Variants in ARSB observed in about 807,000 individuals in gnomAD.
ARSB encodes the protein N-acetylgalactosamine-4-sulfatase.
ARSB carries 41 observed loss-of-function variants against 50.9 expected under a neutral mutation model. The ratio of observed to expected loss-of-function variants is 0.81; its 90% confidence interval spans 0.63 to 1.04. ARSB has a LOEUF of 1.04. Ranked by LOEUF, ARSB falls within the 50% of genes least tolerant of loss-of-function variation. The pLI is 0.00. For missense variants in ARSB, 672 were observed against 693.3 expected (o/e 0.97, Z 0.35); for synonymous variants, 269 against 284.8 (o/e 0.94, Z 0.56).
intron 4 of ARSB, among the ~76,000 whole-genome samples, chr5:78,913,092 C>A (rs2112322876): frequency 6.6e-6 from 1 of 151,378 alleles, no homozygotes; most frequent in South Asian, 2.1e-4. Context: ...GTGATGAGAA[C>A]CAGGCTTTTA....
At chr5:78,966,748 C>T (rs1752221445) in intron 2 of ARSB, among the ~76,000 whole-genome samples, 1 of 152,152 alleles carries the variant, frequency 6.6e-6, no homozygotes, top group Non-Finnish European at 1.5e-5. Context: ...ATATCTACAG[C>T]CCATCCTCTT....
At chr5:78,893,422 T>A (rs1379323987) in intron 4 of ARSB, among the ~76,000 whole-genome samples, 1 of 151,672 alleles carries the variant, frequency 6.6e-6, no homozygotes, top group African/African-American at 2.4e-5. Context: ...AGAAAAATGT[T>A]ATAAAAGTTT....
intron 1 of ARSB, among the ~76,000 whole-genome samples, chr5:78,971,593 C>T (rs1338218589): frequency 1.3e-5 from 2 of 152,178 alleles, no homozygotes; most frequent in African/African-American, 2.4e-5. Flanking sequence ...CCCATCCTGG[C>T]TTTATCACTT....
At chr5:78,814,014 T>G (rs534578343) in intron 6 of ARSB, among the ~76,000 whole-genome samples, 1 of 138,382 alleles carries the variant, frequency 7.2e-6, no homozygotes, top group East Asian at 2.1e-4. Flanking sequence ...ATAATCCATT[T>G]GGAAAGAATG....
At chr5:78,890,927 T>C (rs557733703) in intron 4 of ARSB, among the ~76,000 whole-genome samples, 1 of 152,356 alleles carries the variant, frequency 6.6e-6, no homozygotes, top group East Asian at 1.9e-4. Context: ...TAGATGGTCT[T>C]CATCTCTGCT....
chr5:78,976,855 G>C (rs368075216), intron 1 of ARSB, among the ~76,000 whole-genome samples: 4 of 152,254 alleles, frequency 2.6e-5, no homozygotes, highest in African/African-American at 9.6e-5. Context: ...AACCCAGGGA[G>C]ACCCAGCCTC....
intron 3 of ARSB, among the ~76,000 whole-genome samples, chr5:78,959,454 C>G (rs1021719929): frequency 1.3e-5 from 2 of 152,094 alleles, no homozygotes; most frequent in African/African-American, 4.8e-5. Flanking sequence ...CAAACTTCTA[C>G]ACTTTGAAAC....
chr5:78,905,344 G>GTTTT lies in ARSB; in HGVS notation c.899-19521_899-19518dup, dbSNP rs60622885. Among the ~76,000 whole-genome samples, 4 of 130,544 alleles carry GTTTT rather than the reference G, an allele frequency of 3.1e-5. 1 individual carries two copies. The highest frequency in any genetic ancestry group is 6.4e-5 in the Non-Finnish European group (4 of 62,458). The allele number at this position is 130,544 out of a possible 152,430, so 85.6% of individuals were successfully genotyped here. Reference sequence around the variant, plus strand: ...CCTTGAGTACTGCTCGTATTTTCCTGTTTTTTTTTTTTTGTATAATGAGTA... The same window carrying GTTTT: ...CCTTGAGTACTGCTCGTATTTTCCTGTTTTTTTTTTTTTTTTTGTATAATGAGTA... On this transcript the variant is annotated intron_variant, in intron 4 of 7. Transcript: ENST00000264914.
chr5:78,898,096 C>T (rs147347268), intron 4 of ARSB, among the ~76,000 whole-genome samples: 2,283 of 152,050 alleles, frequency 0.015, 67 homozygotes, highest in South Asian at 0.097. Context: ...GGAGAAACCC[C>T]GGCTCTACTA....
At chr5:78,863,955 A>T (rs1375006388) in intron 5 of ARSB, among the ~76,000 whole-genome samples, 3 of 151,990 alleles carry the variant, frequency 2.0e-5, no homozygotes, top group Admixed American at 1.3e-4. Context: ...GGCCATCTAA[A>T]TTTAAAATCC....
chr5:78,849,318 G>A (rs1313233342), intron 5 of ARSB, among the ~76,000 whole-genome samples: 9 of 151,660 alleles, frequency 5.9e-5, no homozygotes, highest in East Asian at 1.9e-4. Flanking sequence ...TTTATTAAAT[G>A]GGGAATCCTT....
At chr5:78,852,025 C>G (rs1297107422) in intron 5 of ARSB, among the ~76,000 whole-genome samples, 1 of 152,162 alleles carries the variant, frequency 6.6e-6, no homozygotes, top group Non-Finnish European at 1.5e-5. Context: ...ATTTGCCAGT[C>G]TGTGTCTTTT....
chr5:78,898,912 T>C (rs1748686119), intron 4 of ARSB, among the ~76,000 whole-genome samples: 1 of 152,254 alleles, frequency 6.6e-6, no homozygotes, highest in Admixed American at 6.5e-5. Context: ...TTTTATACTT[T>C]GAAAAGTTTT....
chr5:78,824,236 C>G (rs902066951), intron 6 of ARSB, among the ~76,000 whole-genome samples: 2 of 152,202 alleles, frequency 1.3e-5, no homozygotes, highest in Non-Finnish European at 2.9e-5. Context: ...CTCAGACATT[C>G]CTTTACAGCA....
At chr5:78,957,290 G>C (rs1339560366) in intron 3 of ARSB, among the ~76,000 whole-genome samples, 1 of 152,186 alleles carries the variant, frequency 6.6e-6, no homozygotes, top group African/African-American at 2.4e-5. Context: ...TGGTGGGGGG[G>C]TGGTGCTCAT....
intron 5 of ARSB, among the ~76,000 whole-genome samples, chr5:78,859,988 T>C (rs936028691): frequency 1.3e-5 from 2 of 152,190 alleles, no homozygotes; most frequent in Admixed American, 1.3e-4. Context: ...GGGAATCAAA[T>C]AATATAGCAT....
chr5:78,953,700 T>C (rs571323527), intron 4 of ARSB, among the ~76,000 whole-genome samples: 60 of 152,232 alleles, frequency 3.9e-4, no homozygotes, highest in African/African-American at 1.2e-3. Context: ...TCCAATCAAA[T>C]TGTTAGATTT....
At chr5:78,822,634 T>C (rs1744277169) in intron 6 of ARSB, among the ~76,000 whole-genome samples, 1 of 152,190 alleles carries the variant, frequency 6.6e-6, no homozygotes, top group African/African-American at 2.4e-5. Context: ...ATCCTGTTTT[T>C]TTCTTCGTTT....
chr5:78,952,634 G>C (rs1392815907), intron 4 of ARSB, among the ~76,000 whole-genome samples: 1 of 152,174 alleles, frequency 6.6e-6, no homozygotes, highest in Non-Finnish European at 1.5e-5. Context: ...ACCAGACCCA[G>C]CCTCCCATGC....
Sources: gnomAD v4.1 joint callset for allele counts (sites outside exome capture counted in the v4.1 genomes callset) on GRCh38, gnomAD v4.1.1 for gene constraint, MANE v1.5 for transcripts, NCBI Gene and HGNC (gene_info 2026-07-23, HGNC 2026-07-21) for gene names.